The following ARRB2 variants were observed in gnomAD, a reference collection of about 807,000 sequenced individuals.
ARRB2 encodes arrestin beta 2.
Under a neutral mutation model 53.4 loss-of-function variants are expected in ARRB2, and 21 were observed. The observed-to-expected ratio is 0.39, with a 90% CI of 0.28 to 0.57. The LOEUF is 0.57. ARRB2 is among the 20% of genes least tolerant of loss of function. The pLI, the probability that ARRB2 is intolerant of heterozygous loss-of-function variation, is 0.55. For synonymous variants in ARRB2, 180 were observed against 212.9 expected, an observed-to-expected ratio of 0.85 and a Z score of 1.34; for missense variants, 369 against 527.5, an observed-to-expected ratio of 0.70 and a Z score of 2.94.
chr17:4,721,041 A>G lies in ARRB2; in HGVS notation c.*2A>G, dbSNP rs1915646969. ...GACTATGATGATCAACTCTGCTAGG[A>G]AGCGGGGTGGGAAGAAGGGAGGGGA... On this transcript the variant is annotated 3_prime_UTR_variant, in exon 15 of 15. Transcript: ENST00000269260. The surrounding 1 kb of genome is among the most constrained non-coding windows in gnomAD (Gnocchi z 4.2). The G allele has an allele frequency of 3.1e-6, 5 of 1,613,516 alleles. No individual in the cohort carries two copies. Among genetic ancestry groups the G allele is most frequent in the Non-Finnish European group, 4.2e-6 (5 of 1,179,646 alleles).
intron 5 of ARRB2, 196 bp downstream of exon 5, chr17:4,716,804 C>T: frequency 1.1e-6 from 1 of 950,036 alleles, no homozygotes; most frequent in African/African-American, 1.7e-5. Flanking sequence ...TTCCTTCTTC[C>T]CTTCTCATCC....
At chr17:4,713,384 G>A in intron 1 of ARRB2, among the ~76,000 whole-genome samples, 1 of 152,106 alleles carries the variant, frequency 6.6e-6, no homozygotes, top group Admixed American at 6.6e-5. Context: ...TGTAATCCCA[G>A]CACTTTGGGA....
At chr17:4,718,155 G>T in intron 8 of ARRB2, 106 bp from the exon 9 acceptor site, 1 of 1,549,244 alleles carries the variant, frequency 6.5e-7, no homozygotes, top group Admixed American at 1.9e-5. Context: ...CGTGGGCTTG[G>T]GTTTGAGGGG....
Position 4,716,178 on chromosome 17 carries a change from G to A in ARRB2, c.147G>A (p.Leu49=). 6.2e-7 allele frequency: 1 copy of A among 1,614,136 alleles called. No homozygotes were observed. The highest frequency in any genetic ancestry group is 8.5e-7 in the Non-Finnish European group (1 of 1,180,028). Reference sequence around the variant, plus strand: ...TGGTGCTTGTGGACCCTGACTACCTGAAGGACCGCAAAGGTACTGGCCCCA... The same window carrying A: ...TGGTGCTTGTGGACCCTGACTACCTAAAGGACCGCAAAGGTACTGGCCCCA... The part of the protein sequence containing the change: ...DGVVLVDPDY[L]KDRKVFVTLT... Residue 49 remains leucine (L), a synonymous_variant, in exon 4 of 15, where the codon CTG becomes CTA. Coordinates refer to ENST00000269260, the MANE Select transcript of ARRB2 (RefSeq NM_004313.4).
rs745332688 is a variant in ARRB2 at position 4,720,477 on chromosome 17, G to T, written c.1081+5G>T. ...CCCTCCCCAGACCCCAGTCAGGTGAGCACACTACCCACCCCAAGCCCTCAG... is the reference window on the plus strand; with the variant it reads ...CCCTCCCCAGACCCCAGTCAGGTGATCACACTACCCACCCCAAGCCCTCAG... On this transcript the variant is annotated splice_donor_5th_base_variant and intron_variant, in intron 13 of 14. Coordinates refer to ENST00000269260, the MANE Select transcript of ARRB2 (RefSeq NM_004313.4). 4 of 1,610,032 alleles carry T rather than the reference G, an allele frequency of 2.5e-6. No homozygotes were observed. The highest frequency in any genetic ancestry group is 3.4e-6 in the Non-Finnish European group (4 of 1,177,464).
intron 10 of ARRB2, 86 bp from the exon 11 acceptor site, chr17:4,719,197 G>T: frequency 2.0e-6 from 3 of 1,497,230 alleles, no homozygotes; most frequent in Non-Finnish European, 2.7e-6. Flanking sequence ...GGACTAGTGA[G>T]GGGGAGATGC....
chr17:4,710,917 G>C (rs1005316806), intron 1 of ARRB2, among the ~76,000 whole-genome samples, 173 bp downstream of exon 1: 1 of 151,790 alleles, frequency 6.6e-6, no homozygotes, highest in African/African-American at 2.4e-5. Context: ...GGGTGGGGGG[G>C]AAATGCCCGG....
At chr17:4,718,438 C>T (rs997528480) in intron 9 of ARRB2, 93 bp downstream of exon 9, 17 of 1,413,534 alleles carry the variant, frequency 1.2e-5, no homozygotes, top group East Asian at 6.9e-5. Context: ...TTTCCCAGTG[C>T]GGGAGACCCA....
At chr17:4,720,101 G>GT in intron 11 of ARRB2, 115 bp from the exon 12 acceptor site, 2 of 1,063,504 alleles carry the variant, frequency 1.9e-6, no homozygotes, top group South Asian at 2.8e-5. Flanking sequence ...GGCTGCTGGG[G>GT]CCCTGGGGGC....
In ARRB2 at chr17:4,716,540, C is replaced by T; in HGVS notation, c.289C>T (p.Pro97Ser). Residue 97 changes from proline (P) to serine (S), a missense_variant, in exon 5 of 15, where the codon CCC becomes TCC. Coordinates refer to ENST00000269260, the MANE Select transcript of ARRB2 (RefSeq NM_004313.4). ...AFPPVPNPPR[P>S]PTRLQDRLLR... ...CCCCCCGGTGCCCAACCCACCCCGG[C>T]CCCCCACCCGCCTGCAGGACCGGCT... is the stretch of plus-strand genomic sequence containing the variant. The T allele has an allele frequency of 1.3e-6, 2 of 1,599,406 alleles. No individual in the cohort carries two copies. Among genetic ancestry groups the T allele is most frequent in the South Asian group, 1.1e-5 (1 of 89,692 alleles).
chr17:4,717,829 G>C lies in ARRB2; in HGVS notation c.486-59G>C. On this transcript the variant is annotated intron_variant, in intron 7 of 14. Transcript: ENST00000269260. This position sits in a 1 kb window ranked among gnomAD's most constrained non-coding sequence, Gnocchi z 6.0. ...TCCAGGAGCCCAGGCCCCGTGCGGG[G>C]GAGGAGTAGGGTTGGGGTGTGTGAG... The C allele has an allele frequency of 6.2e-7, 1 of 1,611,394 alleles. No individual in the cohort carries two copies. Among genetic ancestry groups the C allele is most frequent in the Non-Finnish European group, 8.5e-7 (1 of 1,178,864 alleles).
At chr17:4,713,556 G>A (rs946951440) in intron 1 of ARRB2, among the ~76,000 whole-genome samples, 8 of 151,956 alleles carry the variant, frequency 5.3e-5, no homozygotes, top group Non-Finnish European at 8.8e-5. Flanking sequence ...GCGTGAACCC[G>A]GGAGGCAGAG....
intron 9 of ARRB2, 56 bp downstream of exon 9, chr17:4,718,401 C>T: frequency 3.9e-6 from 6 of 1,549,662 alleles, no homozygotes; most frequent in Non-Finnish European, 5.3e-6. Flanking sequence ...GCACAGGTGG[C>T]TCCTGGTGTG....
At chr17:4,719,591 T>C (rs1043496268) in intron 11 of ARRB2, among the ~76,000 whole-genome samples, 171 bp downstream of exon 11, 1 of 151,646 alleles carries the variant, frequency 6.6e-6, no homozygotes, top group Non-Finnish European at 1.5e-5. Context: ...GTACAGCAGG[T>C]TTAGTGACAA....
intron 2 of ARRB2, 23 bp downstream of exon 2, chr17:4,715,066 C>T (rs1381298237): frequency 6.2e-7 from 1 of 1,602,866 alleles, no homozygotes; most frequent in Non-Finnish European, 8.5e-7. Context: ...AGCACTTACC[C>T]TTTTGACCCT....
chr17:4,721,415 T>G lies in ARRB2; in HGVS notation c.*376T>G. ...CCCATTATCACTCTCTCTGCCCCCA[T>G]TCCTTCAAGAGGAGACCCTTTGGGG... On this transcript the variant is annotated 3_prime_UTR_variant, in exon 15 of 15. Coordinates refer to ENST00000269260, the MANE Select transcript of ARRB2 (RefSeq NM_004313.4). This position sits in a 1 kb window ranked among gnomAD's most constrained non-coding sequence, Gnocchi z 4.2. 4.8e-6 allele frequency: 2 copies of G among 416,122 alleles called. No homozygotes were observed. The highest frequency in any genetic ancestry group is 4.2e-6 in the Non-Finnish European group (1 of 236,512). 25.8% of individuals were successfully genotyped at this position (416,122 alleles called of 1,614,324 possible). A position where few individuals can be genotyped will look rare whatever the true frequency, so the allele number is the denominator to read the frequency against.
intron 11 of ARRB2, among the ~76,000 whole-genome samples, chr17:4,719,817 G>T (rs994682129): frequency 1.3e-5 from 2 of 152,106 alleles, no homozygotes; most frequent in Admixed American, 1.3e-4. Context: ...GAGCAGCCCT[G>T]GAGGTCCCCA....
At chr17:4,713,476 C>A (rs778996928) in intron 1 of ARRB2, among the ~76,000 whole-genome samples, 2 of 151,642 alleles carry the variant, frequency 1.3e-5, no homozygotes, top group African/African-American at 4.9e-5. Context: ...ACTAAAAATA[C>A]CAAAATTCGC....
intron 1 of ARRB2, 143 bp downstream of exon 1, chr17:4,710,887 C>T: frequency 2.5e-6 from 1 of 394,728 alleles, no homozygotes; most frequent in Non-Finnish European, 4.5e-6. Context: ...GCCGCACGCG[C>T]AGGTCCTCGA....
Sources: gnomAD v4.1 joint callset for allele counts (sites outside exome capture counted in the v4.1 genomes callset) on GRCh38, gnomAD v4.1.1 for gene constraint, Gnocchi (gnomAD v3.1) non-coding constraint, MANE v1.5 for transcripts, NCBI Gene and HGNC (gene_info 2026-07-23, HGNC 2026-07-21) for gene names.